MAN2B1: variants seen among roughly 807,000 people sequenced by gnomAD.
The protein encoded by MAN2B1 is lysosomal alpha-mannosidase.
In MAN2B1, 99 loss-of-function variants were observed where a neutral mutation model predicts 127.5. The observed-to-expected ratio is 0.78, with a 90% confidence interval of 0.66 to 0.92. MAN2B1 has a LOEUF of 0.92. Ranked by LOEUF, MAN2B1 falls within the 40% of genes least tolerant of loss-of-function variation. MAN2B1 has a pLI of 0.00. For missense variants in MAN2B1, 1,304 were observed against 1,384.8 expected, an observed-to-expected ratio of 0.94 and a Z score of 0.93; for synonymous variants, 573 against 568.8, an observed-to-expected ratio of 1.01 and a Z score of -0.11.
intron 14 of MAN2B1, among the ~76,000 whole-genome samples, chr19:12,653,394 C>CG (rs887468340): frequency 3.4e-4 from 28 of 82,538 alleles, no homozygotes; most frequent in African/African-American, 6.5e-4. Flanking sequence ...ATCCACCCCC[C>CG]CCTCAGCCTC....
In MAN2B1 at chr19:12,652,169, T is replaced by C; in HGVS notation, c.2030A>G (p.Gln677Arg). ...GTCCCTGACCTTCACCAGGTGGATCTGAGCCCAGCGGCTCACAGGCAGCGG... is the reference window on the plus strand; with the variant it reads ...GTCCCTGACCTTCACCAGGTGGATCCGAGCCCAGCGGCTCACAGGCAGCGG... Reference protein sequence around the residue: ...QKPLPVSRWAQIHLVKTPLVQ... With the variant: ...QKPLPVSRWARIHLVKTPLVQ... Residue 677 changes from glutamine (Q) to arginine (R), a missense_variant, in exon 16 of 24, where the codon CAG becomes CGG. Transcript: ENST00000456935. The C allele has an allele frequency of 6.2e-7, 1 of 1,614,046 alleles. No homozygotes were observed. Among genetic ancestry groups the C allele is most frequent in the Non-Finnish European group, 8.5e-7 (1 of 1,179,908 alleles).
Position 12,654,260 on chromosome 19 carries a change from T to C in MAN2B1, c.1830+1434A>G, listed in dbSNP as rs530652334. 1.5e-3 allele frequency among the ~76,000 whole-genome samples: 232 copies of C among 152,138 alleles called. 1 individual carries two copies. The highest frequency in any genetic ancestry group is 5.4e-3 in the African/African-American group (224 of 41,498). ...GGTTTCACCGTGTTAGCCAGGATGGTCTCCATCTCCTGACCTCGTGATCTG... is the reference window on the plus strand; with the variant it reads ...GGTTTCACCGTGTTAGCCAGGATGGCCTCCATCTCCTGACCTCGTGATCTG... On this transcript the variant is annotated intron_variant, in intron 14 of 23. Transcript: ENST00000456935.
At position 12,647,283 on chromosome 19, in the gene MAN2B1, G is replaced by C. The variant is rs2023711458; in HGVS notation, c.2873C>G (p.Ala958Gly). Residue 958 changes from alanine (A) to glycine (G), a missense_variant, in exon 23 of 24, where the codon GCC becomes GGC. By Grantham distance (60) the Ala-to-Gly change is moderately conservative. Coordinates refer to ENST00000456935, the MANE Select transcript of MAN2B1 (RefSeq NM_000528.4). The surrounding 1 kb of genome is among the most constrained non-coding windows in gnomAD (Gnocchi z 4.9). ...ITRLQETTLVANQLREAASRL... is the reference protein window; with the variant it reads ...ITRLQETTLVGNQLREAASRL... ...GGAGGCTGCCTCGCGGAGCTGGTTGGCCACCAGCGTGGTCTCCTGCAGGCG... is the reference window on the plus strand; with the variant it reads ...GGAGGCTGCCTCGCGGAGCTGGTTGCCCACCAGCGTGGTCTCCTGCAGGCG... 6.2e-7 allele frequency: 1 copy of C among 1,613,996 alleles called. No individual in the cohort carries two copies. The highest frequency in any genetic ancestry group is 1.3e-5 in the African/African-American group (1 of 74,906).
chr19:12,653,460 A>G (rs1268962940), intron 14 of MAN2B1, among the ~76,000 whole-genome samples: 1 of 151,232 alleles, frequency 6.6e-6, no homozygotes, highest in Non-Finnish European at 1.5e-5. Context: ...TTTTTTCTCA[A>G]TTTAAAATTT....
rs563034883 is a variant in MAN2B1 at position 12,647,068 on chromosome 19, G to A, written c.2923+165C>T. On this transcript the variant is annotated intron_variant, in intron 23 of 23. Transcript: ENST00000456935. This position sits in a 1 kb window ranked among gnomAD's most constrained non-coding sequence, Gnocchi z 4.9. ...CCTCAAGACCCATTCCTGGTTTGCC[G>A]CACCCATTTCAGATCCTTTAAGCCC... The A allele has an allele frequency of 2.4e-5, 16 of 665,632 alleles. No homozygotes were observed. Among genetic ancestry groups the A allele is most frequent in the Admixed American group, 5.1e-5 (2 of 39,490 alleles). 41.2% of individuals were successfully genotyped at this position (665,632 alleles called of 1,614,324 possible).
intron 11 of MAN2B1, 125 bp downstream of exon 11, chr19:12,657,321 G>T: frequency 1.4e-6 from 1 of 721,348 alleles, no homozygotes; most frequent in Non-Finnish European, 2.2e-6. Flanking sequence ...GCCCCCACGA[G>T]CCCTTGTAGC....
At chr19:12,660,110 G>A in intron 7 of MAN2B1, among the ~76,000 whole-genome samples, 1 of 152,138 alleles carries the variant, frequency 6.6e-6, no homozygotes, top group Non-Finnish European at 1.5e-5. Flanking sequence ...GCCCAAAAGT[G>A]TCCATGTCCT....
At chr19:12,657,634 G>C (rs1267195304) in intron 10 of MAN2B1, 79 bp from the exon 11 acceptor site, 1 of 1,258,324 alleles carries the variant, frequency 7.9e-7, no homozygotes. Flanking sequence ...GTCCGGTGCT[G>C]GCGGGCAGGA....
Position 12,657,009 on chromosome 19 carries a change from G to T in MAN2B1, c.1467C>A (p.His489Gln). ...TGTTTAGCTGTTGGCAAAAGGTGAA[G>T]TGATCTTTGAAGCCTCTGAGCCGCG... is the stretch of plus-strand genomic sequence containing the variant. ...ALARLRGFKD[H>Q]FTFCQQLNIS... The change falls in exon 12 of 24, where the codon CAC becomes CAA. Residue 489 changes from histidine (H) to glutamine (Q), a missense_variant. Transcript: ENST00000456935. The T allele has an allele frequency of 1.2e-6, 2 of 1,613,570 alleles. No homozygotes were observed. Among genetic ancestry groups the T allele is most frequent in the Non-Finnish European group, 1.7e-6 (2 of 1,179,988 alleles).
intron 7 of MAN2B1, among the ~76,000 whole-genome samples, chr19:12,660,082 T>C (rs1052158196): frequency 3.3e-4 from 50 of 152,226 alleles, no homozygotes; most frequent in African/African-American, 1.2e-3. Context: ...CACATCTGTG[T>C]TGGGTAAAAT....
intron 21 of MAN2B1, 140 bp downstream of exon 21, chr19:12,648,035 C>G (rs1456556565): frequency 1.1e-6 from 1 of 882,784 alleles, no homozygotes; most frequent in Non-Finnish European, 1.8e-6. Context: ...GGGGACTGCC[C>G]AGGGGATGGG....
intron 3 of MAN2B1, 104 bp downstream of exon 3, chr19:12,665,248 A>G (rs1424372718): frequency 7.1e-7 from 1 of 1,413,792 alleles, no homozygotes; most frequent in South Asian, 1.2e-5. Flanking sequence ...AGCGACACGC[A>G]TGTTATACAG....
rs1354488115 is a variant in MAN2B1 at position 12,649,201 on chromosome 19, G to A, written c.2371C>T (p.Leu791=). 1 of 1,613,342 alleles carries A rather than the reference G, an allele frequency of 6.2e-7. No homozygotes were observed. Among genetic ancestry groups the A allele is most frequent in the East Asian group, 2.2e-5 (1 of 44,888 alleles). Residue 791 remains leucine, a synonymous_variant, in exon 20 of 24, where the codon CTG becomes TTG. Coordinates refer to ENST00000456935, the MANE Select transcript of MAN2B1 (RefSeq NM_000528.4). Reference sequence around the variant, plus strand: ...TGGGAGCGGTCAGTCAGCACAGTCAGCTGCATGTTTCCATCCTGGGAGTTG... The same window carrying A: ...TGGGAGCGGTCAGTCAGCACAGTCAACTGCATGTTTCCATCCTGGGAGTTG... ...RIYITDGNMQ[L]TVLTDRSQGG...
chr19:12,656,504 G>A lies in MAN2B1; in HGVS notation c.1644+67C>T. 3.7e-6 allele frequency: 4 copies of A among 1,089,866 alleles called. No homozygotes were observed. The Admixed American group carries it at 6.8e-5, about 18-fold the overall frequency. 67.5% of individuals were successfully genotyped at this position (1,089,866 alleles called of 1,614,324 possible). ...TTCATGGAAGCAGGCGATATCCATG[G>A]GGGCGATGAGGAAATGCCCACTGGG... is the stretch of plus-strand genomic sequence containing the variant. On this transcript the variant is annotated intron_variant, in intron 13 of 23. Coordinates refer to ENST00000456935, the MANE Select transcript of MAN2B1 (RefSeq NM_000528.4).
In MAN2B1 at chr19:12,661,253, C is replaced by A. The variant is rs767145790; in HGVS notation, c.1026+7G>T. On this transcript the variant is annotated splice_region_variant and intron_variant, in intron 7 of 23. Coordinates refer to ENST00000456935, the MANE Select transcript of MAN2B1 (RefSeq NM_000528.4). ...GCACAAGGGTACCACAGGGTAGGCG[C>A]ACTGACCTGCGCATTTACCAGCCGG... The A allele has an allele frequency of 5.6e-6, 9 of 1,604,148 alleles. No individual in the cohort carries two copies. Among genetic ancestry groups the A allele is most frequent in the Non-Finnish European group, 6.8e-6 (8 of 1,171,146 alleles).
chr19:12,664,774 AG>A lies in MAN2B1; in HGVS notation c.630+17del. The A allele has an allele frequency of 6.2e-7, 1 of 1,608,928 alleles. No individual in the cohort carries two copies. ...GAGTGAGTGAAGAAGTGGGCCCAAG[AG>A]AGGTCCCGGGTCGCACCTGCGCAAA... On this transcript the variant is annotated intron_variant, in intron 4 of 23. Transcript: ENST00000456935.
At chr19:12,649,027 A>C (rs2023770447) in intron 20 of MAN2B1, 109 bp downstream of exon 20, 1 of 890,712 alleles carries the variant, frequency 1.1e-6, no homozygotes, top group Non-Finnish European at 1.8e-6. Flanking sequence ...CGGAGTCCTC[A>C]GCTTAGTGGG....
chr19:12,661,039 G>A (rs950844284), intron 7 of MAN2B1: 70 of 470,262 alleles, frequency 1.5e-4, no homozygotes, highest in Admixed American at 3.6e-4. Flanking sequence ...TTACAGGCAT[G>A]AGCCATTGCG....
At chr19:12,656,088 A>C in intron 13 of MAN2B1, 2 of 515,810 alleles carry the variant, frequency 3.9e-6, no homozygotes, top group Non-Finnish European at 3.5e-6. Context: ...GGGTGGAGAG[A>C]CCATGGAGTC....
Sources: gnomAD v4.1 joint callset for allele counts (sites outside exome capture counted in the v4.1 genomes callset) on GRCh38, gnomAD v4.1.1 for gene constraint, Gnocchi (gnomAD v3.1) non-coding constraint, MANE v1.5 for transcripts, NCBI Gene and HGNC (gene_info 2026-07-23, HGNC 2026-07-21) for gene names.